NMNAT3: variants seen among roughly 807,000 people sequenced by gnomAD.
NMNAT3 encodes nicotinamide nucleotide adenylyltransferase 3, also known as nicotinamide/nicotinic acid mononucleotide adenylyltransferase 3.
NMNAT3 carries 21 observed loss-of-function variants against 24.8 expected under a neutral mutation model. The ratio of observed to expected loss-of-function variants is 0.85; its 90% CI spans 0.60 to 1.22. The LOEUF is 1.22. Among genes scored for constraint, NMNAT3 ranks in the 50% most tolerant of loss-of-function variants. The probability of loss-of-function intolerance (pLI) is 0.00; values close to 1 mark genes in which losing one functional copy is unlikely to be tolerated. For missense variants in NMNAT3, 387 were observed against 436.6 expected (o/e 0.89, Z 1.01); for synonymous variants, 136 against 155.2 (o/e 0.88, Z 0.92).
chr3:139,670,935 T>A (rs977901079), intron 1 of NMNAT3, among the ~76,000 whole-genome samples: 5 of 152,128 alleles, frequency 3.3e-5, no homozygotes, highest in Non-Finnish European at 5.9e-5. Context: ...CTGCAGGCCA[T>A]TCAGCCAGGA....
intron 2 of NMNAT3, among the ~76,000 whole-genome samples, chr3:139,634,067 C>A (rs932559350): frequency 6.6e-6 from 1 of 152,210 alleles, no homozygotes; most frequent in Non-Finnish European, 1.5e-5. Flanking sequence ...TCTCACTTGG[C>A]TCACCACGTA....
At chr3:139,580,947 C>A (rs1440682603) in intron 4 of NMNAT3, among the ~76,000 whole-genome samples, 2 of 152,050 alleles carry the variant, frequency 1.3e-5, no homozygotes, top group African/African-American at 4.8e-5. Context: ...GTTAACCATA[C>A]AATTTATCAG....
intron 5 of NMNAT3, chr3:139,577,647 A>T (rs1483748151): frequency 6.6e-6 from 1 of 152,204 alleles, no homozygotes; most frequent in African/African-American, 2.4e-5. Context: ...ACTCATTCTA[A>T]AAGGATGATC....
chr3:139,649,271 T>C (rs1397888), intron 1 of NMNAT3, among the ~76,000 whole-genome samples: 14,172 of 152,052 alleles, frequency 0.093, 1,102 homozygotes, highest in East Asian at 0.23. Flanking sequence ...TTGCCTGTGG[T>C]TTCTGGAAGT....
At chr3:139,579,496 G>C (rs1489005497) in intron 4 of NMNAT3, among the ~76,000 whole-genome samples, 1 of 152,194 alleles carries the variant, frequency 6.6e-6, no homozygotes, top group Non-Finnish European at 1.5e-5. Flanking sequence ...TGAGGATGAA[G>C]GACAAAGGGA....
At chr3:139,569,427 C>T (rs899014274) in intron 6 of NMNAT3, 9 of 152,316 alleles carry the variant, frequency 5.9e-5, no homozygotes, top group Admixed American at 1.3e-4. Context: ...GATGCAGTTT[C>T]TTCCTAGCCT....
chr3:139,605,727 T>A (rs943666450), intron 3 of NMNAT3, among the ~76,000 whole-genome samples: 2 of 152,156 alleles, frequency 1.3e-5, no homozygotes, highest in African/African-American at 2.4e-5. Context: ...GTTTTTTTTT[T>A]ATGTTTTTGG....
At chr3:139,589,477 T>C (rs78096522) in intron 3 of NMNAT3, among the ~76,000 whole-genome samples, 3,942 of 152,262 alleles carry the variant, frequency 0.026, 187 homozygotes, top group African/African-American at 0.088. Flanking sequence ...GAAAGCAGGA[T>C]AGCATTGGAT....
At chr3:139,564,550 C>T (rs1472960355) in intron 6 of NMNAT3, among the ~76,000 whole-genome samples, 1 of 152,208 alleles carries the variant, frequency 6.6e-6, no homozygotes, top group African/African-American at 2.4e-5. Flanking sequence ...CAAAGTGTCA[C>T]ACCCAAGCAG....
At chr3:139,605,637 A>G (rs1426856210) in intron 3 of NMNAT3, among the ~76,000 whole-genome samples, 1 of 152,206 alleles carries the variant, frequency 6.6e-6, no homozygotes, top group Non-Finnish European at 1.5e-5. Flanking sequence ...GAATTTCTCT[A>G]AAGTTTCTTA....
chr3:139,652,406 T>C (rs887573359), intron 1 of NMNAT3, among the ~76,000 whole-genome samples: 3 of 152,224 alleles, frequency 2.0e-5, no homozygotes, highest in African/African-American at 7.2e-5. Flanking sequence ...TTACTCCACC[T>C]TTGCAGATGA....
In NMNAT3 at chr3:139,584,729, C is replaced by A. The variant is rs560298607; in HGVS notation, c.110-1521G>T. Among the ~76,000 whole-genome samples the A allele has an allele frequency of 3.9e-5, 6 of 152,244 alleles. No individual in the cohort carries two copies. The South Asian group carries it at 1.2e-3, about 32-fold the overall frequency. On this transcript the variant is annotated intron_variant, in intron 3 of 6. Transcript: ENST00000643695. ...TGTGAAATGTGTTGATATTTGATGT[C>A]CTAGTATATGGTGAGTTTTGGTAAA...
At chr3:139,563,680 G>A (rs867250298) in intron 6 of NMNAT3, among the ~76,000 whole-genome samples, 5 of 152,046 alleles carry the variant, frequency 3.3e-5, no homozygotes, top group South Asian at 4.2e-4. Flanking sequence ...ATCACTTCTC[G>A]GGCAACATGG....
intron 6 of NMNAT3, chr3:139,566,251 T>C (rs1937186004): frequency 6.6e-6 from 1 of 152,212 alleles, no homozygotes; most frequent in Non-Finnish European, 1.5e-5. Flanking sequence ...CATTGTAGAT[T>C]CTGGATATTA....
intron 6 of NMNAT3, among the ~76,000 whole-genome samples, chr3:139,564,544 G>A (rs765304079): frequency 2.6e-5 from 4 of 152,168 alleles, no homozygotes; most frequent in Non-Finnish European, 5.9e-5. Flanking sequence ...CCATCCCAAA[G>A]TGTCACACCC....
intron 6 of NMNAT3, 46 bp downstream of exon 6, chr3:139,573,552 A>G: frequency 8.3e-7 from 1 of 1,204,368 alleles, no homozygotes; most frequent in Non-Finnish European, 1.2e-6. Flanking sequence ...TTCTCACAGA[A>G]TCCCTGACAT....
intron 3 of NMNAT3, among the ~76,000 whole-genome samples, chr3:139,602,648 G>C (rs2054768648): frequency 6.6e-6 from 1 of 152,186 alleles, no homozygotes; most frequent in South Asian, 2.1e-4. Context: ...GCTATAGAGA[G>C]ACCACTTCCT....
chr3:139,602,166 G>T (rs2054748274), intron 3 of NMNAT3, among the ~76,000 whole-genome samples: 1 of 152,148 alleles, frequency 6.6e-6, no homozygotes, highest in South Asian at 2.1e-4. Context: ...AAACTGCTTA[G>T]CTGCCTTTTT....
At chr3:139,582,839 C>A in intron 4 of NMNAT3, 1 of 833,822 alleles carries the variant, frequency 1.2e-6, no homozygotes, top group Non-Finnish European at 1.7e-6. Context: ...CAATGCAACT[C>A]TTCTTTCAAA....
Sources: allele counts gnomAD v4.1 joint callset (sites outside exome capture counted in the v4.1 genomes callset), GRCh38; gene constraint gnomAD v4.1.1; transcripts MANE v1.5; gene names NCBI Gene and HGNC (gene_info 2026-07-23, HGNC 2026-07-21).